Variants in SLC11A1 observed in about 807,000 individuals in gnomAD.
SLC11A1 encodes the protein solute carrier family 11 member 1.
Under a neutral mutation model 63.2 loss-of-function variants are expected in SLC11A1, and 59 were observed. The observed-to-expected ratio is 0.93, with a 90% CI of 0.76 to 1.16. The LOEUF is 1.16. Ranked by LOEUF, SLC11A1 falls within the 50% of genes most tolerant of loss-of-function variation. SLC11A1 has a pLI of 0.00. For missense variants in SLC11A1, 688 were observed against 730.7 expected (o/e 0.94, Z 0.67); for synonymous variants, 305 against 307.8 (o/e 0.99, Z 0.09).
At chr2:218,392,116 C>T (rs1165818352) in intron 11 of SLC11A1, 1 of 400,730 alleles carries the variant, frequency 2.5e-6, no homozygotes, top group Non-Finnish European at 5.0e-6. Flanking sequence ...ATTGCCCAGG[C>T]TGGAGTGCAA....
Position 218,387,768 on chromosome 2 carries a change from G to A in SLC11A1, c.640-32G>A, listed in dbSNP as rs1316866789. 2.5e-6 allele frequency: 4 copies of A among 1,611,444 alleles called. No homozygotes were observed. In the African/African-American group the frequency reaches 5.3e-5, roughly 22 times the overall value. On this transcript the variant is annotated intron_variant, in intron 7 of 14. Coordinates refer to ENST00000233202, the MANE Select transcript of SLC11A1 (RefSeq NM_000578.4). ...TGACCGCGGCGTGGTTGCGAGGGGCGGGGCTTGTCCTGACCAGGCTCCTCC... is the reference window on the plus strand; with the variant it reads ...TGACCGCGGCGTGGTTGCGAGGGGCAGGGCTTGTCCTGACCAGGCTCCTCC...
chr2:218,387,428 G>A (rs1696162878), intron 6 of SLC11A1, 137 bp from the exon 7 acceptor site: 1 of 1,000,858 alleles, frequency 1.0e-6, no homozygotes, highest in Non-Finnish European at 1.5e-6. Context: ...GAGGGTGGTT[G>A]TGAAGACTGA....
chr2:218,389,954 G>A lies in SLC11A1; in HGVS notation c.880G>A (p.Val294Ile), dbSNP rs140981969. The A allele has an allele frequency of 4.8e-5, 78 of 1,614,012 alleles. No individual in the cohort carries two copies. Among genetic ancestry groups the A allele is most frequent in the Admixed American group, 4.5e-4 (27 of 59,976 alleles). Residue 294 changes from valine (V) to isoleucine (I), a missense_variant, in exon 9 of 15, where the codon GTC (valine) becomes ATC (isoleucine). Val to Ile is a conservative substitution (Grantham distance 29, BLOSUM62 3). Transcript: ENST00000233202. ...FLIEATIALS[V>I]SFIINLFVMA... ...GATTGAGGCCACCATCGCCCTGTCC[G>A]TCTCCTTTATCATCAACCTCTTTGT...
Position 218,391,196 on chromosome 2 carries a change from A to C in SLC11A1, c.955-2A>C. On this transcript the variant is annotated splice_acceptor_variant, in intron 9 of 14. Transcript: ENST00000233202. LOFTEE classifies it high-confidence loss of function. The stretch of plus-strand genomic sequence containing the variant: ...TTCCTTCTACTGCCCTGGTACCCAC[A>C]GTTCAACATCTGTGCCAACAGCAGC... 1 of 1,604,446 alleles carries C rather than the reference A, an allele frequency of 6.2e-7. No homozygotes were observed. Among genetic ancestry groups the C allele is most frequent in the Non-Finnish European group, 8.5e-7 (1 of 1,173,658 alleles).
intron 11 of SLC11A1, chr2:218,392,556 G>A (rs989678430): frequency 1.3e-5 from 2 of 159,116 alleles, no homozygotes; most frequent in Non-Finnish European, 2.8e-5. Flanking sequence ...GGCTGGTCTC[G>A]AACTCCTGGG....
chr2:218,385,529 T>A, intron 4 of SLC11A1: 1 of 500,236 alleles, frequency 2.0e-6, no homozygotes, highest in Non-Finnish European at 3.9e-6. Context: ...TAGCTGGGAT[T>A]ACAGGCGCCC....
At chr2:218,393,753 C>T (rs546587100) in intron 12 of SLC11A1, among the ~76,000 whole-genome samples, 7 of 152,040 alleles carry the variant, frequency 4.6e-5, no homozygotes, top group Admixed American at 6.6e-5. Context: ...GCAAGGATTA[C>T]AGGCATGAGC....
At chr2:218,387,693 T>C in intron 7 of SLC11A1, 61 bp downstream of exon 7, 1 of 1,611,744 alleles carries the variant, frequency 6.2e-7, no homozygotes, top group Non-Finnish European at 8.5e-7. Flanking sequence ...CTCCCTTCCC[T>C]CTGGCCGCGG....
At position 218,386,181 on chromosome 2, in the gene SLC11A1, G is replaced by A. The variant is rs537278506; in HGVS notation, c.394-454G>A. On this transcript the variant is annotated intron_variant, in intron 4 of 14. Coordinates refer to ENST00000233202, the MANE Select transcript of SLC11A1 (RefSeq NM_000578.4). ...AAAATGGTTTATCTCAGCCTGGGGC[G>A]GTGGCTCACGCCTGTAATCCCAGCA... Among the ~76,000 whole-genome samples the A allele has an allele frequency of 1.1e-4, 17 of 152,226 alleles. No individual in the cohort carries two copies. In the South Asian group the frequency reaches 2.7e-3, roughly 24 times the overall value.
In SLC11A1 at chr2:218,385,277, G is replaced by A; in HGVS notation, c.393+11G>A. On this transcript the variant is annotated intron_variant, in intron 4 of 14. Coordinates refer to ENST00000233202, the MANE Select transcript of SLC11A1 (RefSeq NM_000578.4). Reference sequence around the variant, plus strand: ...CTCTACTACCCTAAGGTGAGCTTGGGGGGCCTGGACAGGGAGAACCACTGG... The same window carrying A: ...CTCTACTACCCTAAGGTGAGCTTGGAGGGCCTGGACAGGGAGAACCACTGG... 5 of 1,613,858 alleles carry A rather than the reference G, an allele frequency of 3.1e-6. No individual in the cohort carries two copies. Among genetic ancestry groups the A allele is most frequent in the Non-Finnish European group, 2.5e-6 (3 of 1,179,776 alleles).
At position 218,383,061 on chromosome 2, in the gene SLC11A1, A is replaced by T. The variant is rs1341185377; in HGVS notation, c.109A>T (p.Thr37Ser). ...GCCACAGCAAGCACCTCCCAGAGAG[A>T]CCTACCTGAGTGAGAAGATCCCCAT... Reference protein sequence around the residue: ...PGPQQAPPRETYLSEKIPIPD... With the variant: ...PGPQQAPPRESYLSEKIPIPD... The change falls in exon 2 of 15, where the codon ACC becomes TCC. Residue 37 changes from threonine (T) to serine (S), a missense_variant. By Grantham distance (58) the Thr-to-Ser change is moderately conservative. Coordinates refer to ENST00000233202, the MANE Select transcript of SLC11A1 (RefSeq NM_000578.4). 3 of 1,613,962 alleles carry T rather than the reference A, an allele frequency of 1.9e-6. No homozygotes were observed.
At position 218,391,450 on chromosome 2, in the gene SLC11A1, G is replaced by A; in HGVS notation, c.1119G>A (p.Gln373=). 6.2e-7 allele frequency: 1 copy of A among 1,612,940 alleles called. No individual in the cohort carries two copies. Among genetic ancestry groups the A allele is most frequent in the East Asian group, 2.2e-5 (1 of 44,818 alleles). The change falls in exon 11 of 15, where the codon CAG becomes CAA. Residue 373 remains glutamine (Q), a synonymous_variant. Transcript: ENST00000233202. ...IWAIGLLAAG[Q]SSTMTGTYAG... ...CCATAGGTCTCCTGGCGGCTGGGCAGAGCTCCACCATGACGGGCACCTACG... is the reference window on the plus strand; with the variant it reads ...CCATAGGTCTCCTGGCGGCTGGGCAAAGCTCCACCATGACGGGCACCTACG...
chr2:218,387,046 G>A (rs576715405), intron 5 of SLC11A1, 114 bp from the exon 6 acceptor site: 5 of 950,550 alleles, frequency 5.3e-6, no homozygotes, highest in African/African-American at 4.8e-5. Flanking sequence ...GCTGTCTGGG[G>A]GCGCTTAGGG....
chr2:218,396,250 G>A lies in SLC11A1; in HGVS notation c.*1215G>A, dbSNP rs771551058. 6.6e-6 allele frequency: 1 copy of A among 152,366 alleles called. No homozygotes were observed. Among genetic ancestry groups the A allele is most frequent in the Non-Finnish European group, 1.5e-5 (1 of 68,080 alleles). The allele number at this position is 152,366 out of a possible 1,614,324, so 9.4% of individuals were successfully genotyped here. ...GCTGTGTGGGCGGGGAGCCCCCTCT[G>A]CCTTAGGGAGCGGCTGGGCACCCAT... On this transcript the variant is annotated 3_prime_UTR_variant, in exon 15 of 15. Coordinates refer to ENST00000233202, the MANE Select transcript of SLC11A1 (RefSeq NM_000578.4).
chr2:218,386,650 C>G lies in SLC11A1; in HGVS notation c.409C>G (p.Leu137Val). Residue 137 changes from leucine to valine, a missense_variant, in exon 5 of 15, where the codon CTC becomes GTC. Coordinates refer to ENST00000233202, the MANE Select transcript of SLC11A1 (RefSeq NM_000578.4). ...CTCCCCATAGGTGCCCCGCACCGTC[C>G]TCTGGCTGACCATCGAGCTAGCCAT... Reference protein sequence around the residue: ...LYYPKVPRTVLWLTIELAIVG... With the variant: ...LYYPKVPRTVVWLTIELAIVG... The G allele has an allele frequency of 6.2e-7, 1 of 1,613,904 alleles. No individual in the cohort carries two copies. Among genetic ancestry groups the G allele is most frequent in the South Asian group, 1.1e-5 (1 of 91,062 alleles).
chr2:218,391,312 C>G, intron 10 of SLC11A1, 25 bp downstream of exon 10: 1 of 1,613,722 alleles, frequency 6.2e-7, no homozygotes, highest in Non-Finnish European at 8.5e-7. Flanking sequence ...GTGGGGAGGG[C>G]GTGACCCAGA....
intron 2 of SLC11A1, 53 bp downstream of exon 2, chr2:218,383,155 G>A: frequency 3.8e-6 from 6 of 1,593,204 alleles, no homozygotes; most frequent in African/African-American, 1.3e-5. Context: ...GATCCTGAAG[G>A]ATCCCATGGG....
chr2:218,383,238 G>T, intron 2 of SLC11A1, 136 bp downstream of exon 2: 4 of 922,630 alleles, frequency 4.3e-6, no homozygotes, highest in Non-Finnish European at 4.8e-6. Context: ...GGTGGACAGT[G>T]GCAACTGCCC....
chr2:218,382,848 G>T, intron 1 of SLC11A1, 112 bp from the exon 2 acceptor site: 1 of 1,367,016 alleles, frequency 7.3e-7, no homozygotes, highest in South Asian at 1.3e-5. Flanking sequence ...TGGGGGCCAG[G>T]GACCTTAGTT....
Sources: gnomAD v4.1 joint callset for allele counts (sites outside exome capture counted in the v4.1 genomes callset) on GRCh38, gnomAD v4.1.1 for gene constraint, MANE v1.5 for transcripts, NCBI Gene and HGNC (gene_info 2026-07-23, HGNC 2026-07-21) for gene names.